Variants in MAST4 observed in about 807,000 individuals in gnomAD.
MAST4 encodes the protein microtubule-associated serine/threonine-protein kinase 4.
MAST4 carries 89 observed loss-of-function variants against 162.7 expected under a neutral mutation model. That is an observed-to-expected ratio of 0.55 (90% confidence interval 0.46 to 0.65). The LOEUF (loss-of-function observed/expected upper bound fraction) is 0.65, where lower values mean the gene tolerates loss of function less well. MAST4 is among the 30% of genes least tolerant of loss of function. The pLI, the probability that MAST4 is intolerant of heterozygous loss-of-function variation, is 0.00. For synonymous variants in MAST4, 1,479 were observed against 1,361.1 expected (o/e 1.09, Z -1.91); for missense variants, 3,153 against 3,374.0 (o/e 0.93, Z 1.62).
chr5:66,698,281 G>A (rs1046986082), intron 1 of MAST4, among the ~76,000 whole-genome samples: 1 of 151,860 alleles, frequency 6.6e-6, no homozygotes, highest in Non-Finnish European at 1.5e-5. Flanking sequence ...TGTAACCTCA[G>A]CTCTGCTGTC....
chr5:67,049,023 G>GTACATATATATACACGTA (rs1757758174), intron 4 of MAST4, among the ~76,000 whole-genome samples: 1 of 85,666 alleles, frequency 1.2e-5, no homozygotes, highest in Non-Finnish European at 2.3e-5. Flanking sequence ...ATATATATAC[G>GTACATATATATACACGTA]TATATATATA....
At chr5:66,919,099 AACACACACACACACACAC>A (rs56340246) in intron 4 of MAST4, among the ~76,000 whole-genome samples, 2 of 142,302 alleles carry the variant, frequency 1.4e-5, no homozygotes, top group East Asian at 2.1e-4. Flanking sequence ...CGAGACTCTC[AACACACACACACACACAC>A]ACACACACAC....
chr5:66,704,492 C>CTTTTTTTTTTTTTTTTT lies in MAST4; in HGVS notation c.364-55211_364-55195dup, dbSNP rs1172510331. Among the ~76,000 whole-genome samples the CTTTTTTTTTTTTTTTTT allele has an allele frequency of 3.1e-5, 3 of 97,354 alleles. 1 individual carries two copies. The highest frequency in any genetic ancestry group is 8.6e-5 in the African/African-American group (2 of 23,362). 63.9% of individuals were successfully genotyped at this position (97,354 alleles called of 152,430 possible). A position where few individuals can be genotyped will look rare whatever the true frequency, so the allele number is the denominator to read the frequency against. On this transcript the variant is annotated intron_variant, in intron 1 of 28. Transcript: ENST00000403625. ...TGCATCCTCTCTGTTGCTTGTTGTT[C>CTTTTTTTTTTTTTTTTT]TTTTTTTTTTTTTTTTTTTTTTGAG...
At position 66,816,054 on chromosome 5, in the gene MAST4, G is replaced by T. The variant is rs181859722; in HGVS notation, c.642+27260G>T. On this transcript the variant is annotated intron_variant, in intron 3 of 28. Coordinates refer to ENST00000403625, the MANE Select transcript of MAST4 (RefSeq NM_001164664.2). ...TCACTGAACTTCAATTTTAGAGGAA[G>T]ATTGAGGAAAAGTGCCCTGCCATTC... is the stretch of plus-strand genomic sequence containing the variant. 2.5e-4 allele frequency among the ~76,000 whole-genome samples: 38 copies of T among 152,302 alleles called. No homozygotes were observed. In the East Asian group the frequency reaches 7.3e-3, roughly 29 times the overall value.
chr5:67,028,312 A>G (rs1241249464), intron 4 of MAST4, among the ~76,000 whole-genome samples: 2 of 152,126 alleles, frequency 1.3e-5, no homozygotes, highest in Non-Finnish European at 2.9e-5. Flanking sequence ...CTCGAGTGAG[A>G]GTTGAGGAGC....
chr5:66,805,284 A>G (rs1028116751), intron 3 of MAST4, among the ~76,000 whole-genome samples: 5 of 152,178 alleles, frequency 3.3e-5, no homozygotes, highest in African/African-American at 4.8e-5. Flanking sequence ...TCCTAAGTAC[A>G]TTACAGATCT....
intron 3 of MAST4, among the ~76,000 whole-genome samples, chr5:66,828,175 T>C (rs1397197680): frequency 4.6e-5 from 7 of 152,216 alleles, no homozygotes; most frequent in Non-Finnish European, 7.3e-5. Context: ...TAGTAGGAAC[T>C]GAAGGGCAGG....
At chr5:66,627,268 G>A (rs571822619) in intron 1 of MAST4, among the ~76,000 whole-genome samples, 1 of 152,304 alleles carries the variant, frequency 6.6e-6, no homozygotes, top group Non-Finnish European at 1.5e-5. Context: ...GAGAAAGGCA[G>A]CATGGGGATA....
At chr5:66,942,097 A>G (rs143543314) in intron 4 of MAST4, among the ~76,000 whole-genome samples, 53 of 152,288 alleles carry the variant, frequency 3.5e-4, no homozygotes, top group African/African-American at 1.3e-3. Context: ...AAAATGTGAC[A>G]TAGAGGCATG....
chr5:67,107,779 G>A (rs1277744930), intron 10 of MAST4, among the ~76,000 whole-genome samples: 1 of 152,220 alleles, frequency 6.6e-6, no homozygotes, highest in African/African-American at 2.4e-5. Context: ...AATTCCAGAT[G>A]AATGCTTTTA....
chr5:66,924,739 C>T (rs1157817350), intron 4 of MAST4, among the ~76,000 whole-genome samples: 2 of 151,972 alleles, frequency 1.3e-5, no homozygotes, highest in Non-Finnish European at 2.9e-5. Flanking sequence ...TGTAGGTGGT[C>T]ATTTTAGAAA....
chr5:67,118,468 G>T (rs1767183603), intron 12 of MAST4, among the ~76,000 whole-genome samples: 1 of 152,200 alleles, frequency 6.6e-6, no homozygotes, highest in South Asian at 2.1e-4. Flanking sequence ...CTAGGTGTTT[G>T]CAAGAAATGG....
In MAST4 at chr5:66,980,979, A is replaced by ATT. The variant is rs143660547; in HGVS notation, c.675-73417_675-73416dup. Among the ~76,000 whole-genome samples, 64 of 151,690 alleles carry ATT rather than the reference A, an allele frequency of 4.2e-4. 1 individual carries two copies. The East Asian group carries it at 0.011, about 27-fold the overall frequency. Reference sequence around the variant, plus strand: ...TGCAGGGATGTTAGCTGATCAGGACATTTTTTTTTCTCATGAAAGAATAAA... The same window carrying ATT: ...TGCAGGGATGTTAGCTGATCAGGACATTTTTTTTTTTCTCATGAAAGAATAAA... On this transcript the variant is annotated intron_variant, in intron 4 of 28. Coordinates refer to ENST00000403625, the MANE Select transcript of MAST4 (RefSeq NM_001164664.2).
intron 3 of MAST4, among the ~76,000 whole-genome samples, chr5:66,867,160 CTAA>C (rs1047783392): frequency 1.3e-4 from 20 of 152,084 alleles, no homozygotes; most frequent in Non-Finnish European, 4.4e-5. Flanking sequence ...CTAGAAATGC[CTAA>C]TGACAGATTT....
chr5:67,155,487 A>G (rs1772378627), intron 26 of MAST4, among the ~76,000 whole-genome samples: 1 of 152,234 alleles, frequency 6.6e-6, no homozygotes, highest in Admixed American at 6.5e-5. Context: ...CAGTCCCATT[A>G]CCTGTTCCAA....
At chr5:66,620,763 T>C (rs904087136) in intron 1 of MAST4, among the ~76,000 whole-genome samples, 1 of 152,202 alleles carries the variant, frequency 6.6e-6, no homozygotes, top group Admixed American at 6.5e-5. Flanking sequence ...GGGACAATTC[T>C]GTTTTTACAG....
chr5:66,637,108 C>A (rs2149429866), intron 1 of MAST4, among the ~76,000 whole-genome samples: 1 of 152,272 alleles, frequency 6.6e-6, no homozygotes, highest in Admixed American at 6.5e-5. Context: ...TATGATTTAG[C>A]AATCTAGTTT....
chr5:67,007,215 C>G (rs965314259), intron 4 of MAST4, among the ~76,000 whole-genome samples: 1 of 152,146 alleles, frequency 6.6e-6, no homozygotes, highest in African/African-American at 2.4e-5. Flanking sequence ...TACATTGTGA[C>G]TTCTACTTTT....
intron 4 of MAST4, among the ~76,000 whole-genome samples, chr5:66,924,201 G>GT (rs1164887779): frequency 3.3e-5 from 5 of 152,144 alleles, no homozygotes; most frequent in Non-Finnish European, 5.9e-5. Flanking sequence ...TTTCAGAAGA[G>GT]TTTGTACATT....
Sources: gnomAD v4.1 joint callset for allele counts (sites outside exome capture counted in the v4.1 genomes callset) on GRCh38, gnomAD v4.1.1 for gene constraint, MANE v1.5 for transcripts, NCBI Gene and HGNC (gene_info 2026-07-23, HGNC 2026-07-21) for gene names.